The following JCAD variants were observed in gnomAD, a reference collection of about 807,000 sequenced individuals.
The protein encoded by JCAD is junctional cadherin 5-associated protein.
JCAD carries 40 observed loss-of-function variants against 98.0 expected under a neutral mutation model. The observed-to-expected ratio is 0.41, with a 90% CI of 0.32 to 0.53. The LOEUF (loss-of-function observed/expected upper bound fraction) is 0.53, where lower values mean the gene tolerates loss of function less well. JCAD is among the 20% of genes least tolerant of loss of function. The pLI is 0.31. For synonymous variants in JCAD, 691 were observed against 682.3 expected (o/e 1.01, Z -0.20); for missense variants, 1,705 against 1,738.1 (o/e 0.98, Z 0.34).
At chr10:30,037,009 A>G (rs1412414630) in intron 2 of JCAD, among the ~76,000 whole-genome samples, 1 of 152,208 alleles carries the variant, frequency 6.6e-6, no homozygotes, top group East Asian at 1.9e-4. Context: ...AGGCATTGGT[A>G]TCCAGATACA....
intron 1 of JCAD, among the ~76,000 whole-genome samples, chr10:30,108,652 A>T (rs1032212089): frequency 6.6e-6 from 1 of 152,180 alleles, no homozygotes; most frequent in Non-Finnish European, 1.5e-5. Context: ...GAAAGAAATG[A>T]TGGCAGTGAT....
At chr10:30,101,910 A>G (rs1034195844) in intron 1 of JCAD, among the ~76,000 whole-genome samples, 5 of 152,184 alleles carry the variant, frequency 3.3e-5, no homozygotes, top group African/African-American at 7.2e-5. Flanking sequence ...CAGTGTTGCA[A>G]TGAAGAACAG....
rs1771784068 is a variant in JCAD, at chr10:30,013,033, C to T, written c.*4850G>A. 6.6e-6 allele frequency: 1 copy of T among 152,334 alleles called. No homozygotes were observed. 9.4% of individuals were successfully genotyped at this position (152,334 alleles called of 1,614,324 possible). ...TCACCTTAAGGCATCCTGTACCAGC[C>T]TGATCTGGGGGCGATGACTGCAGCC... On this transcript the variant is annotated 3_prime_UTR_variant, in exon 4 of 4. Transcript: ENST00000375377.
chr10:30,035,110 T>C (rs1047546708), intron 2 of JCAD, among the ~76,000 whole-genome samples: 3 of 152,204 alleles, frequency 2.0e-5, no homozygotes, highest in Admixed American at 6.5e-5. Flanking sequence ...CCTAAGGTGC[T>C]ACTTGTGCAA....
chr10:30,050,735 A>T (rs1837450987), intron 1 of JCAD, among the ~76,000 whole-genome samples: 1 of 152,178 alleles, frequency 6.6e-6, no homozygotes, highest in Admixed American at 6.5e-5. Flanking sequence ...AATATCTTTC[A>T]ATCGTAGTTA....
At chr10:30,030,403 T>C (rs1836966838) in intron 2 of JCAD, among the ~76,000 whole-genome samples, 1 of 152,046 alleles carries the variant, frequency 6.6e-6, no homozygotes, top group African/African-American at 2.4e-5. Flanking sequence ...ATTGCGCCAC[T>C]GCACTCCGGC....
chr10:30,083,703 T>C (rs546144252), intron 1 of JCAD, among the ~76,000 whole-genome samples: 2 of 152,182 alleles, frequency 1.3e-5, no homozygotes, highest in Admixed American at 1.3e-4. Flanking sequence ...AAGTCAGGCA[T>C]GAGTCAGAAA....
chr10:30,098,879 G>A (rs916380161), intron 1 of JCAD, among the ~76,000 whole-genome samples: 1 of 152,122 alleles, frequency 6.6e-6, no homozygotes, highest in African/African-American at 2.4e-5. Flanking sequence ...AACCTTTGGA[G>A]CTCATGTTGC....
At chr10:30,090,211 G>A (rs931071225) in intron 1 of JCAD, among the ~76,000 whole-genome samples, 1 of 152,194 alleles carries the variant, frequency 6.6e-6, no homozygotes, top group Non-Finnish European at 1.5e-5. Flanking sequence ...GCACTATTTG[G>A]TTACTTGCAG....
intron 1 of JCAD, among the ~76,000 whole-genome samples, chr10:30,072,495 C>T (rs546897624): frequency 6.6e-6 from 1 of 152,098 alleles, no homozygotes; most frequent in African/African-American, 2.4e-5. Flanking sequence ...CTGATGACAA[C>T]GGTTACTCAC....
chr10:30,089,851 G>T (rs965872797), intron 1 of JCAD, among the ~76,000 whole-genome samples: 1 of 152,130 alleles, frequency 6.6e-6, no homozygotes, highest in African/African-American at 2.4e-5. Context: ...CAGCTCTGCT[G>T]TACAAAAGTG....
At chr10:30,069,120 C>T (rs1354764434) in intron 2 of JCAD, among the ~76,000 whole-genome samples, 4 of 152,188 alleles carry the variant, frequency 2.6e-5, no homozygotes, top group African/African-American at 9.7e-5. Context: ...TTGACCACAG[C>T]CTGGCACCAT....
At chr10:30,085,638 C>T (rs868400120) in intron 1 of JCAD, among the ~76,000 whole-genome samples, 9 of 152,110 alleles carry the variant, frequency 5.9e-5, no homozygotes, top group East Asian at 1.9e-4. Flanking sequence ...TCAAGACCAA[C>T]GACATATGTT....
At chr10:30,025,697 G>A (rs1836775349) in intron 3 of JCAD, among the ~76,000 whole-genome samples, 1 of 151,942 alleles carries the variant, frequency 6.6e-6, no homozygotes, top group Admixed American at 6.6e-5. Context: ...AGACCAGCCT[G>A]AGTAACATAG....
chr10:30,066,035 G>A (rs1044168476), intron 2 of JCAD, among the ~76,000 whole-genome samples: 1 of 152,176 alleles, frequency 6.6e-6, no homozygotes, highest in Non-Finnish European at 1.5e-5. Context: ...AAGCAGGGAT[G>A]GAGCACAATA....
intron 1 of JCAD, among the ~76,000 whole-genome samples, chr10:30,108,360 T>A (rs1588660226): frequency 6.6e-6 from 1 of 150,966 alleles, no homozygotes; most frequent in Non-Finnish European, 1.5e-5. Context: ...GTTGTCATGG[T>A]GTCAGGAAAG....
intron 2 of JCAD, among the ~76,000 whole-genome samples, chr10:30,046,347 G>A (rs1179782671): frequency 2.6e-5 from 4 of 152,032 alleles, no homozygotes; most frequent in African/African-American, 4.8e-5. Flanking sequence ...TAGCTAAACC[G>A]CCCTCTCTTT....
At chr10:30,046,417 C>T (rs1236191166) in intron 2 of JCAD, among the ~76,000 whole-genome samples, 1 of 152,088 alleles carries the variant, frequency 6.6e-6, no homozygotes, top group Non-Finnish European at 1.5e-5. Flanking sequence ...CACATTAGGG[C>T]CAGTGTGCGT....
At chr10:30,051,002 G>A (rs7095172) in intron 1 of JCAD, among the ~76,000 whole-genome samples, 4,005 of 152,264 alleles carry the variant, frequency 0.026, 179 homozygotes, top group African/African-American at 0.092. Context: ...TACACAGCTT[G>A]TGTTAGATCC....
Sources: gnomAD v4.1 joint callset for allele counts (sites outside exome capture counted in the v4.1 genomes callset) on GRCh38, gnomAD v4.1.1 for gene constraint, MANE v1.5 for transcripts, NCBI Gene and HGNC (gene_info 2026-07-23, HGNC 2026-07-21) for gene names.